The following MYLK4 variants were observed in gnomAD, a reference collection of about 807,000 sequenced individuals.
The protein encoded by MYLK4 is myosin light chain kinase family member 4, also known as caMLCK like.
In MYLK4, 46 loss-of-function variants were observed where a neutral mutation model predicts 48.1. The ratio of observed to expected loss-of-function variants is 0.96; its 90% confidence interval spans 0.75 to 1.22. MYLK4 has a LOEUF of 1.22. MYLK4 is among the 50% of genes most tolerant of loss of function. The pLI is 0.00. For synonymous variants in MYLK4, 170 were observed against 180.8 expected (o/e 0.94, Z 0.48); for missense variants, 451 against 486.1 (o/e 0.93, Z 0.68).
At chr6:2,760,176 A>G in the MYLK4 span, among the ~76,000 whole-genome samples, 169 of 145,490 alleles carry the variant, frequency 1.2e-3, no homozygotes, top group Admixed American at 1.7e-3. Flanking sequence ...GCAATACAGT[A>G]TAATAACTAC....
At chr6:2,706,048 C>T (rs1762474708) in intron 2 of MYLK4, among the ~76,000 whole-genome samples, 1 of 152,086 alleles carries the variant, frequency 6.6e-6, no homozygotes, top group Non-Finnish European at 1.5e-5. Flanking sequence ...AAGGGATGAC[C>T]GTCGATAACA....
chr6:2,761,856 TATAGG>T, the MYLK4 span, among the ~76,000 whole-genome samples: 1 of 152,184 alleles, frequency 6.6e-6, no homozygotes, highest in African/African-American at 2.4e-5. Flanking sequence ...ATTTACATAA[TATAGG>T]ATAGAAAAGC....
chr6:2,678,191 GC>G, intron 10 of MYLK4, 28 bp downstream of exon 10: 1 of 1,609,192 alleles, frequency 6.2e-7, no homozygotes, highest in Non-Finnish European at 8.5e-7. Flanking sequence ...TCCCTACTGC[GC>G]CCGGAGCACA....
At chr6:2,675,366 T>C (rs1406289012) in intron 10 of MYLK4, among the ~76,000 whole-genome samples, 1 of 152,234 alleles carries the variant, frequency 6.6e-6, no homozygotes, top group South Asian at 2.1e-4. Flanking sequence ...TGTTAATAAC[T>C]GAACATTTAC....
chr6:2,759,366 C>A, the MYLK4 span, among the ~76,000 whole-genome samples: 1 of 152,232 alleles, frequency 6.6e-6, no homozygotes, highest in Non-Finnish European at 1.5e-5. Context: ...CTTGGCCTCG[C>A]AAACTGCTGG....
At chr6:2,681,840 A>T (rs1443743524) in intron 7 of MYLK4, among the ~76,000 whole-genome samples, 1 of 152,210 alleles carries the variant, frequency 6.6e-6, no homozygotes, top group African/African-American at 2.4e-5. Flanking sequence ...GAGTCATTTG[A>T]CTTACAATAG....
chr6:2,725,653 GAGAGAA>G (rs1299120003), intron 2 of MYLK4, among the ~76,000 whole-genome samples: 30 of 136,802 alleles, frequency 2.2e-4, no homozygotes, highest in Admixed American at 1.7e-3. Flanking sequence ...GAAAGAGAGA[GAGAGAA>G]AGAAAGAAAG....
chr6:2,765,588 G>A, the MYLK4 span: 4 of 1,462,272 alleles, frequency 2.7e-6, no homozygotes, highest in African/African-American at 2.9e-5. Context: ...GGGTTGCTGC[G>A]GCCGCGCCGG....
At chr6:2,723,468 A>G (rs1174409927) in intron 2 of MYLK4, among the ~76,000 whole-genome samples, 1 of 152,250 alleles carries the variant, frequency 6.6e-6, no homozygotes, top group Non-Finnish European at 1.5e-5. Context: ...ATATTGGGGA[A>G]TAAAACAGAT....
chr6:2,682,671 G>A (rs1194521629), intron 7 of MYLK4, among the ~76,000 whole-genome samples: 1 of 152,186 alleles, frequency 6.6e-6, no homozygotes, highest in African/African-American at 2.4e-5. Context: ...GGAATTCTGA[G>A]TTAGCTAAAA....
At chr6:2,765,593 C>T in the MYLK4 span, 1,609 of 1,471,762 alleles carry the variant, frequency 1.1e-3, 13 homozygotes, top group African/African-American at 0.019. Context: ...GCTGCGGCCG[C>T]GCCGGGCGCC....
At chr6:2,746,463 C>T (rs1359902008) in intron 2 of MYLK4, among the ~76,000 whole-genome samples, 10 of 152,008 alleles carry the variant, frequency 6.6e-5, no homozygotes, top group Non-Finnish European at 1.5e-4. Context: ...AGCAGGAAAA[C>T]AAAAAGAATC....
intron 2 of MYLK4, among the ~76,000 whole-genome samples, chr6:2,714,096 C>T (rs1439593640): frequency 6.6e-6 from 1 of 152,154 alleles, no homozygotes; most frequent in Non-Finnish European, 1.5e-5. Flanking sequence ...GGAAGTTCCT[C>T]AAGAGACTGA....
At chr6:2,768,935 AGTGT>A in the MYLK4 span, 1 of 1,527,430 alleles carries the variant, frequency 6.5e-7, no homozygotes, top group African/African-American at 1.4e-5. Context: ...AACAATATAA[AGTGT>A]GTGAGATCAC....
At chr6:2,681,626 A>G (rs1355183328) in intron 7 of MYLK4, among the ~76,000 whole-genome samples, 1 of 152,206 alleles carries the variant, frequency 6.6e-6, no homozygotes, top group Non-Finnish European at 1.5e-5. Context: ...AATATAAAAC[A>G]GACTGTTTGT....
At chr6:2,669,349 G>T (rs1026208459) in intron 12 of MYLK4, among the ~76,000 whole-genome samples, 4 of 152,204 alleles carry the variant, frequency 2.6e-5, no homozygotes, top group African/African-American at 9.7e-5. Context: ...GGCTGCTGTG[G>T]TCTTCCATCA....
chr6:2,726,169 C>A (rs1763266519), intron 2 of MYLK4, among the ~76,000 whole-genome samples: 1 of 152,298 alleles, frequency 6.6e-6, no homozygotes, highest in East Asian at 1.9e-4. Flanking sequence ...ATCTACATAT[C>A]CAGTGTGTTT....
chr6:2,762,864 A>C, the MYLK4 span, among the ~76,000 whole-genome samples: 1 of 152,210 alleles, frequency 6.6e-6, no homozygotes, highest in Non-Finnish European at 1.5e-5. Flanking sequence ...CAGTGGGTTC[A>C]GTGGGTTTGT....
At chr6:2,669,777 G>A (rs1760812633) in intron 12 of MYLK4, among the ~76,000 whole-genome samples, 1 of 152,136 alleles carries the variant, frequency 6.6e-6, no homozygotes, top group South Asian at 2.1e-4. Context: ...ACCTTATTGA[G>A]ACTTTCATGT....
Sources: allele counts gnomAD v4.1 joint callset (sites outside exome capture counted in the v4.1 genomes callset), GRCh38; gene constraint gnomAD v4.1.1; transcripts MANE v1.5; gene names NCBI Gene and HGNC (gene_info 2026-07-23, HGNC 2026-07-21).